The following GDAP1 variants were observed in gnomAD, a reference collection of about 807,000 sequenced individuals.
The protein encoded by GDAP1 is ganglioside-induced differentiation-associated protein 1.
Under a neutral mutation model 40.1 loss-of-function variants are expected in GDAP1, and 34 were observed. The observed-to-expected ratio is 0.85, with a 90% CI of 0.64 to 1.13. GDAP1 has a LOEUF of 1.13. GDAP1 is among the 50% of genes most tolerant of loss of function. The pLI, the probability that GDAP1 is intolerant of heterozygous loss-of-function variation, is 0.00. For synonymous variants in GDAP1, 170 were observed against 157.4 expected (o/e 1.08, Z -0.60); for missense variants, 374 against 433.7 (o/e 0.86, Z 1.22).
chr8:74,362,880 T>C, intron 4 of GDAP1, 59 bp from the exon 5 acceptor site: 1 of 782,446 alleles, frequency 1.3e-6, no homozygotes, highest in Non-Finnish European at 2.3e-6. Context: ...TTTACCTAGA[T>C]TTATTTTTTT....
chr8:74,432,563 ATCT>A (rs1259790461), intron 2 of GDAP1, among the ~76,000 whole-genome samples: 7 of 151,930 alleles, frequency 4.6e-5, no homozygotes, highest in African/African-American at 1.7e-4. Context: ...CTATCATCCC[ATCT>A]TCTGGATGGG....
At chr8:74,426,485 T>C (rs1450170212) in intron 2 of GDAP1, among the ~76,000 whole-genome samples, 1 of 152,226 alleles carries the variant, frequency 6.6e-6, no homozygotes, top group East Asian at 1.9e-4. Flanking sequence ...TTTTCAATGC[T>C]CTTGCTATCA....
chr8:74,396,020 A>G (rs1481304633), intron 2 of GDAP1, among the ~76,000 whole-genome samples: 1 of 152,172 alleles, frequency 6.6e-6, no homozygotes, highest in Non-Finnish European at 1.5e-5. Flanking sequence ...AAGGAGAAGT[A>G]TTACTGGACA....
chr8:74,374,943 A>G (rs1046624376), intron 2 of GDAP1, among the ~76,000 whole-genome samples: 3 of 152,244 alleles, frequency 2.0e-5, no homozygotes, highest in South Asian at 2.1e-4. Flanking sequence ...CCAACTGTAC[A>G]TAAGCTTTTT....
chr8:74,390,846 T>C (rs1810097745), intron 2 of GDAP1, among the ~76,000 whole-genome samples: 1 of 152,214 alleles, frequency 6.6e-6, no homozygotes, highest in African/African-American at 2.4e-5. Context: ...AGCCCGTTAC[T>C]GGGGCTGCTG....
intron 2 of GDAP1, among the ~76,000 whole-genome samples, chr8:74,477,505 G>T (rs1480716929): frequency 1.3e-5 from 2 of 151,908 alleles, no homozygotes; most frequent in African/African-American, 2.4e-5. Flanking sequence ...GGGGTTTGTG[G>T]TATAAAGTGA....
downstream of GDAP1, among the ~76,000 whole-genome samples, chr8:74,371,044 TAGAC>T (rs1431963325): frequency 1.3e-5 from 2 of 152,180 alleles, no homozygotes; most frequent in Admixed American, 6.5e-5. Context: ...ATAGATAAAA[TAGAC>T]AGAAATTCAA....
chr8:74,487,457 T>C (rs1294228141), intron 2 of GDAP1, among the ~76,000 whole-genome samples: 1 of 152,188 alleles, frequency 6.6e-6, no homozygotes, highest in African/African-American at 2.4e-5. Flanking sequence ...CTGGCAAATG[T>C]GGGCAAATCC....
At chr8:74,378,246 C>G (rs1465615297) in intron 2 of GDAP1, among the ~76,000 whole-genome samples, 1 of 152,226 alleles carries the variant, frequency 6.6e-6, no homozygotes, top group Non-Finnish European at 1.5e-5. Flanking sequence ...CAAAGACACT[C>G]TCCTAGGAGC....
Position 74,350,440 on chromosome 8 carries a change from A to G in GDAP1, c.-22A>G. On this transcript the variant is annotated 5_prime_UTR_variant, in exon 1 of 6. Transcript: ENST00000220822. The stretch of plus-strand genomic sequence containing the variant: ...AGTCCAGGGCGGACAGGCTGGGCGC[A>G]CCCGTGCTCGCGCACCCCAAGATGG... The G allele has an allele frequency of 2.1e-6, 3 of 1,453,992 alleles. No homozygotes were observed. Among genetic ancestry groups the G allele is most frequent in the South Asian group, 1.1e-5 (1 of 87,978 alleles). The allele number at this position is 1,453,992 out of a possible 1,614,324, so 90.1% of individuals were successfully genotyped here.
intron 2 of GDAP1, among the ~76,000 whole-genome samples, chr8:74,391,746 A>T (rs1810113199): frequency 6.6e-6 from 1 of 152,252 alleles, no homozygotes; most frequent in African/African-American, 2.4e-5. Context: ...ACTTAAGAAT[A>T]TTAGGACATA....
chr8:74,386,468 C>G (rs769336719), intron 2 of GDAP1, among the ~76,000 whole-genome samples: 1 of 151,870 alleles, frequency 6.6e-6, no homozygotes, highest in Non-Finnish European at 1.5e-5. Flanking sequence ...TTGCTTTTGT[C>G]AGGTTTGTCA....
chr8:74,370,940 T>A (rs1413188269), downstream of GDAP1, among the ~76,000 whole-genome samples: 1 of 152,228 alleles, frequency 6.6e-6, no homozygotes, highest in African/African-American at 2.4e-5. Flanking sequence ...TAAATACATA[T>A]TCATCTAAGA....
chr8:74,435,677 A>G (rs916621630), intron 2 of GDAP1, among the ~76,000 whole-genome samples: 1 of 152,218 alleles, frequency 6.6e-6, no homozygotes, highest in Non-Finnish European at 1.5e-5. Flanking sequence ...GCATGTAAAC[A>G]TTGAATTTGG....
chr8:74,432,497 T>C (rs16938904), intron 2 of GDAP1, among the ~76,000 whole-genome samples: 8,543 of 152,242 alleles, frequency 0.056, 305 homozygotes, highest in East Asian at 0.12. Context: ...TGGTATTTGG[T>C]TTTGGCGTAG....
intron 2 of GDAP1, among the ~76,000 whole-genome samples, chr8:74,447,458 G>A (rs963188782): frequency 6.6e-6 from 1 of 152,008 alleles, no homozygotes; most frequent in Non-Finnish European, 1.5e-5. Flanking sequence ...CTTCAGAATC[G>A]GAAACTTTTT....
chr8:74,351,256 C>T lies in GDAP1; in HGVS notation c.118-18C>T. 2 of 1,604,172 alleles carry T rather than the reference C, an allele frequency of 1.2e-6. No homozygotes were observed. The highest frequency in any genetic ancestry group is 1.1e-5 in the South Asian group (1 of 90,866). On this transcript the variant is annotated intron_variant, in intron 1 of 5. Coordinates refer to ENST00000220822, the MANE Select transcript of GDAP1 (RefSeq NM_018972.4). ...GAAAGCTTACATGTGTTGTAGTAAC[C>T]AGTGTGAACTCTTCCAGGTGCGCTT...
At chr8:74,374,439 A>G (rs1447648225) in intron 2 of GDAP1, among the ~76,000 whole-genome samples, 2 of 152,194 alleles carry the variant, frequency 1.3e-5, no homozygotes, top group Non-Finnish European at 2.9e-5. Context: ...TTTCCACTTA[A>G]AGAGCTACAG....
chr8:74,467,786 A>G (rs1024946793), intron 2 of GDAP1, among the ~76,000 whole-genome samples: 1 of 152,206 alleles, frequency 6.6e-6, no homozygotes, highest in Non-Finnish European at 1.5e-5. Context: ...GATCATTTAC[A>G]TTCACCAGTA....
Sources: gnomAD v4.1 joint callset for allele counts (sites outside exome capture counted in the v4.1 genomes callset) on GRCh38, gnomAD v4.1.1 for gene constraint, MANE v1.5 for transcripts, NCBI Gene and HGNC (gene_info 2026-07-23, HGNC 2026-07-21) for gene names.